Variants in DNAH7 observed in about 807,000 individuals in gnomAD.
The protein encoded by DNAH7 is dynein axonemal heavy chain 7, also known as axonemal beta dynein heavy chain 7.
DNAH7 carries 397 observed loss-of-function variants against 444.6 expected under a neutral mutation model. The observed-to-expected ratio is 0.89, with a 90% CI of 0.82 to 0.97. DNAH7 has a LOEUF of 0.97. Ranked by LOEUF, DNAH7 falls within the 50% of genes least tolerant of loss-of-function variation. The pLI, the probability that DNAH7 is intolerant of heterozygous loss-of-function variation, is 0.00. For missense variants in DNAH7, 4,902 were observed against 4,800.8 expected (o/e 1.02, Z -0.62); for synonymous variants, 1,636 against 1,624.4 (o/e 1.01, Z -0.17).
At chr2:195,850,809 G>A (rs776873071) in intron 46 of DNAH7, among the ~76,000 whole-genome samples, 2 of 152,134 alleles carry the variant, frequency 1.3e-5, no homozygotes, top group Non-Finnish European at 2.9e-5. Flanking sequence ...AGCAGGACAA[G>A]GAGGAGTAGA....
chr2:195,745,319 G>T (rs1162302527), intron 63 of DNAH7, among the ~76,000 whole-genome samples: 1 of 152,160 alleles, frequency 6.6e-6, no homozygotes, highest in Non-Finnish European at 1.5e-5. Context: ...AGAATAAAAA[G>T]AAATGAACAA....
At chr2:195,951,686 T>C (rs1038052941) in intron 19 of DNAH7, among the ~76,000 whole-genome samples, 8 of 152,220 alleles carry the variant, frequency 5.3e-5, no homozygotes, top group Non-Finnish European at 8.8e-5. Flanking sequence ...TTTACCATTA[T>C]GTAATGGCCT....
intron 53 of DNAH7, among the ~76,000 whole-genome samples, chr2:195,807,135 T>G (rs540665114): frequency 1.3e-5 from 2 of 152,214 alleles, no homozygotes; most frequent in East Asian, 3.9e-4. Context: ...TTTCCCTTTA[T>G]TCCTCCAAAC....
chr2:196,023,270 T>C (rs1294098759), intron 8 of DNAH7, among the ~76,000 whole-genome samples: 13 of 152,230 alleles, frequency 8.5e-5, no homozygotes, highest in South Asian at 2.1e-4. Context: ...TCTGCCATGA[T>C]TGTAAGCTTC....
At position 195,861,954 on chromosome 2, in the gene DNAH7, T is replaced by C; in HGVS notation, c.7507-8A>G. On this transcript the variant is annotated splice_polypyrimidine_tract_variant and splice_region_variant and intron_variant, in intron 41 of 64. Coordinates refer to ENST00000312428, the MANE Select transcript of DNAH7 (RefSeq NM_018897.3). ...TGCATCTTCAGGCCATGACTAAATG[T>C]AAGATAAATGCTTTAGCATTTTATT... is the stretch of plus-strand genomic sequence containing the variant. 2.5e-6 allele frequency: 4 copies of C among 1,598,646 alleles called. No individual in the cohort carries two copies. The highest frequency in any genetic ancestry group is 3.4e-6 in the Non-Finnish European group (4 of 1,166,292).
chr2:196,034,210 A>C (rs1696239322), intron 5 of DNAH7, among the ~76,000 whole-genome samples: 1 of 152,330 alleles, frequency 6.6e-6, no homozygotes, highest in South Asian at 2.1e-4. Flanking sequence ...GGTCTCAAAA[A>C]CATAAGGTCA....
At chr2:195,967,813 G>A (rs889934211) in intron 17 of DNAH7, among the ~76,000 whole-genome samples, 18 of 152,122 alleles carry the variant, frequency 1.2e-4, no homozygotes, top group African/African-American at 3.9e-4. Context: ...TAAATGCCTT[G>A]AGGTAGTCTT....
At chr2:195,748,971 C>CA (rs1466177473) in intron 63 of DNAH7, among the ~76,000 whole-genome samples, 2 of 152,062 alleles carry the variant, frequency 1.3e-5, no homozygotes, top group African/African-American at 4.8e-5. Context: ...GCAACAAAGC[C>CA]AAAATTGACA....
intron 9 of DNAH7, among the ~76,000 whole-genome samples, chr2:196,013,921 T>A (rs1327816871): frequency 1.3e-5 from 2 of 152,214 alleles, no homozygotes; most frequent in East Asian, 3.8e-4. Context: ...GAATAAGTAG[T>A]AGTTGCAAGG....
chr2:196,039,684 A>C (rs905851633), intron 5 of DNAH7, among the ~76,000 whole-genome samples: 2 of 151,840 alleles, frequency 1.3e-5, no homozygotes, highest in East Asian at 1.9e-4. Flanking sequence ...CTGTTATCTC[A>C]GCTACTTAGG....
At chr2:195,982,521 T>G (rs978165434) in intron 15 of DNAH7, among the ~76,000 whole-genome samples, 8 of 152,338 alleles carry the variant, frequency 5.3e-5, no homozygotes, top group African/African-American at 1.9e-4. Context: ...TGAAGAGATA[T>G]CTGCACTCCT....
chr2:195,888,222 T>C lies in DNAH7; in HGVS notation c.5406+36A>G, dbSNP rs377643097. ...ATGTAAGTCTAATTTGAGTTTTCCA[T>C]TTATTTTTTAATCTTAAAATTCTCA... is the stretch of plus-strand genomic sequence containing the variant. On this transcript the variant is annotated intron_variant, in intron 33 of 64. Transcript: ENST00000312428. 7 of 1,543,776 alleles carry C rather than the reference T, an allele frequency of 4.5e-6. No homozygotes were observed. In the South Asian group the frequency reaches 4.8e-5, roughly 11 times the overall value.
At chr2:195,870,964 T>C (rs1700649702) in intron 40 of DNAH7, among the ~76,000 whole-genome samples, 1 of 152,142 alleles carries the variant, frequency 6.6e-6, no homozygotes, top group East Asian at 1.9e-4. Context: ...CTCAGTACAT[T>C]TCTATTACCC....
intron 19 of DNAH7, among the ~76,000 whole-genome samples, chr2:195,947,527 A>G (rs1386852118): frequency 1.3e-5 from 2 of 151,908 alleles, no homozygotes; most frequent in Admixed American, 6.6e-5. Context: ...CCCATTTATG[A>G]GTGAGAACAT....
Position 195,872,384 on chromosome 2 carries a change from G to C in DNAH7, c.6499C>G (p.Leu2167Val). The C allele has an allele frequency of 6.2e-7, 1 of 1,613,858 alleles. No individual in the cohort carries two copies. Among genetic ancestry groups the C allele is most frequent in the Admixed American group, 1.7e-5 (1 of 60,026 alleles). ...MTLYKEAMKN[L>V]LPTPAKSHYL... is the part of the protein sequence containing the mutation. ...TGAGATTTAGCTGGAGTAGGCAAGA[G>C]ATTCTTCATTGCTTCTTTATACAGA... The change falls in exon 40 of 65, where the codon CTC (leucine) becomes GTC (valine). Residue 2167 changes from leucine to valine, a missense_variant. Coordinates refer to ENST00000312428, the MANE Select transcript of DNAH7 (RefSeq NM_018897.3).
chr2:195,881,768 T>C (rs1030849464), intron 36 of DNAH7, 27 bp downstream of exon 36: 13 of 1,597,556 alleles, frequency 8.1e-6, no homozygotes, highest in Admixed American at 6.7e-5. Context: ...ATGCACAGTT[T>C]AATACGCAGA....
rs774532416 is a variant in DNAH7 at position 195,888,875 on chromosome 2, C to T, written c.5153G>A (p.Gly1718Glu). 1.2e-5 allele frequency: 19 copies of T among 1,613,990 alleles called. No individual in the cohort carries two copies. The highest frequency in any genetic ancestry group is 1.5e-5 in the Non-Finnish European group (18 of 1,179,968). Residue 1718 changes from glycine to glutamate, a missense_variant, in exon 32 of 65, where the codon GGG (glycine) becomes GAG (glutamate). Transcript: ENST00000312428. ...TTGTGGTGACATCTGAATAATCTCC[C>T]CACTCATCAGACATAGCTTCTTGTT... ...DDNKKLCLMS[G>E]EIIQMSPQMN...
At chr2:196,058,332 G>A (rs1400767262) in intron 1 of DNAH7, among the ~76,000 whole-genome samples, 1 of 152,160 alleles carries the variant, frequency 6.6e-6, no homozygotes, top group African/African-American at 2.4e-5. Flanking sequence ...CAGGTAGGTT[G>A]CAGGATACAA....
Position 195,922,201 on chromosome 2 carries a change from G to C in DNAH7, c.3826-4C>G. ...TTTTTGTTTCTAAATGATTTTCCTA[G>C]GATAAATCAAATAAAATGAAGTTAA... On this transcript the variant is annotated splice_region_variant and splice_polypyrimidine_tract_variant and intron_variant, in intron 23 of 64. Transcript: ENST00000312428. The C allele has an allele frequency of 1.3e-6, 2 of 1,534,522 alleles. No homozygotes were observed. The highest frequency in any genetic ancestry group is 1.4e-5 in the African/African-American group (1 of 73,444).
Sources: allele counts gnomAD v4.1 joint callset (sites outside exome capture counted in the v4.1 genomes callset), GRCh38; gene constraint gnomAD v4.1.1; transcripts MANE v1.5; gene names NCBI Gene and HGNC (gene_info 2026-07-23, HGNC 2026-07-21).